PLCE1: variants seen among roughly 807,000 people sequenced by gnomAD.
PLCE1 encodes 1-phosphatidylinositol 4,5-bisphosphate phosphodiesterase epsilon-1.
Under a neutral mutation model 242.8 loss-of-function variants are expected in PLCE1, and 119 were observed. The observed-to-expected ratio is 0.49, with a 90% CI of 0.42 to 0.57. The LOEUF is 0.57. PLCE1 is among the 20% of genes least tolerant of loss of function. The pLI is 0.00. For missense variants in PLCE1, 2,441 were observed against 2,788.8 expected (o/e 0.88, Z 2.81); for synonymous variants, 945 against 1,017.4 (o/e 0.93, Z 1.35).
At chr10:94,118,512 G>A (rs1353863587) in intron 2 of PLCE1, among the ~76,000 whole-genome samples, 3 of 152,124 alleles carry the variant, frequency 2.0e-5, no homozygotes, top group Non-Finnish European at 4.4e-5. Flanking sequence ...GAATCATGGG[G>A]GCAGGTCTTT....
At chr10:94,091,489 A>G (rs2045071569) in intron 2 of PLCE1, among the ~76,000 whole-genome samples, 2 of 152,186 alleles carry the variant, frequency 1.3e-5, no homozygotes, top group South Asian at 4.1e-4. Context: ...GGGGAGAGAA[A>G]GATAACTATA....
chr10:94,118,063 C>G (rs1454464157), intron 2 of PLCE1, among the ~76,000 whole-genome samples: 1 of 152,048 alleles, frequency 6.6e-6, no homozygotes, highest in Non-Finnish European at 1.5e-5. Context: ...AATGTAAGTG[C>G]TAAAACCATA....
intron 3 of PLCE1, among the ~76,000 whole-genome samples, chr10:94,146,271 G>T (rs1466469520): frequency 3.9e-5 from 6 of 152,096 alleles, no homozygotes; most frequent in Non-Finnish European, 5.9e-5. Context: ...AGTTTTCATT[G>T]GCATGAGACA....
chr10:94,076,734 G>T (rs894530816), intron 2 of PLCE1, among the ~76,000 whole-genome samples: 3 of 152,144 alleles, frequency 2.0e-5, no homozygotes, highest in African/African-American at 7.2e-5. Flanking sequence ...CTCCTAGAAG[G>T]CCAGGGTGCT....
At chr10:94,064,306 T>A (rs574964118) in intron 2 of PLCE1, among the ~76,000 whole-genome samples, 70 of 152,208 alleles carry the variant, frequency 4.6e-4, no homozygotes, top group Non-Finnish European at 9.3e-4. Context: ...AATCTAGCAC[T>A]TTGGGAGGCT....
At chr10:94,215,879 T>C (rs1015640040) in intron 4 of PLCE1, among the ~76,000 whole-genome samples, 5 of 152,038 alleles carry the variant, frequency 3.3e-5, no homozygotes, top group African/African-American at 9.7e-5. Context: ...GCTATGATCA[T>C]GCCACTGCAC....
At chr10:94,324,233 A>C in intron 30 of PLCE1, 116 bp from the exon 31 acceptor site, 3 of 821,714 alleles carry the variant, frequency 3.7e-6, no homozygotes, top group Non-Finnish European at 6.4e-6. Flanking sequence ...AATGATCTGG[A>C]AGATCCCCTT....
chr10:94,082,015 G>A (rs926966208), intron 2 of PLCE1: 1 of 152,164 alleles, frequency 6.6e-6, no homozygotes, highest in African/African-American at 2.4e-5. Flanking sequence ...AACCTTATAA[G>A]TATGAAACAG....
chr10:94,314,045 G>C (rs778353754), intron 28 of PLCE1, among the ~76,000 whole-genome samples: 2 of 152,094 alleles, frequency 1.3e-5, no homozygotes, highest in Non-Finnish European at 2.9e-5. Context: ...TCCTTATGCT[G>C]TGCCACCTCC....
intron 4 of PLCE1, among the ~76,000 whole-genome samples, chr10:94,211,402 C>T (rs1469221454): frequency 6.6e-6 from 1 of 152,250 alleles, no homozygotes; most frequent in Non-Finnish European, 1.5e-5. Flanking sequence ...AGCATTACCA[C>T]TCACTAACTG....
chr10:94,304,413 A>G (rs2053135765), intron 24 of PLCE1, 69 bp from the exon 25 acceptor site: 1 of 1,412,248 alleles, frequency 7.1e-7, no homozygotes, highest in South Asian at 1.2e-5. Flanking sequence ...TGAACTTTCA[A>G]TTTATAAGGT....
intron 20 of PLCE1, 32 bp downstream of exon 20, chr10:94,279,943 G>A (rs749052244): frequency 6.2e-7 from 1 of 1,611,826 alleles, no homozygotes; most frequent in Non-Finnish European, 8.5e-7. Flanking sequence ...GCTGTGCACA[G>A]GAAAATTCTT....
intron 2 of PLCE1, among the ~76,000 whole-genome samples, chr10:94,068,230 T>G (rs560700557): frequency 6.6e-6 from 1 of 152,328 alleles, no homozygotes; most frequent in Admixed American, 6.5e-5. Context: ...ACCATCTCAA[T>G]GAAGCCCCTC....
At chr10:94,205,275 G>A (rs1290113681) in intron 4 of PLCE1, among the ~76,000 whole-genome samples, 1 of 152,098 alleles carries the variant, frequency 6.6e-6, no homozygotes, top group Non-Finnish European at 1.5e-5. Flanking sequence ...TATTATTATG[G>A]TAATAATAGT....
intron 1 of PLCE1, among the ~76,000 whole-genome samples, chr10:94,026,932 G>T (rs1331358730): frequency 1.3e-5 from 2 of 152,104 alleles, no homozygotes; most frequent in African/African-American, 4.8e-5. Context: ...CATTTGCCTT[G>T]AATTTTTGGA....
chr10:94,193,965 AT>A lies in PLCE1; in HGVS notation c.1809+22476del, dbSNP rs543526797. Among the ~76,000 whole-genome samples the A allele has an allele frequency of 4.3e-3, 662 of 152,304 alleles. 7 individuals are homozygous for A. The highest frequency in any genetic ancestry group is 0.014 in the African/African-American group (598 of 41,570). On this transcript the variant is annotated intron_variant, in intron 4 of 32. Coordinates refer to ENST00000371380, the MANE Select transcript of PLCE1 (RefSeq NM_016341.4). Reference sequence around the variant, plus strand: ...GAATGAAATTGTCTTTTTTTAAAGCATTTTTTTATTACATTTTACAGTGTGA... The same window carrying A: ...GAATGAAATTGTCTTTTTTTAAAGCATTTTTTATTACATTTTACAGTGTGA...
chr10:94,257,444 C>A (rs1381765562), intron 11 of PLCE1, among the ~76,000 whole-genome samples: 2 of 152,082 alleles, frequency 1.3e-5, no homozygotes, highest in Non-Finnish European at 2.9e-5. Context: ...GATTATAAAT[C>A]ATGCTGCTAT....
chr10:94,316,470 C>A, intron 28 of PLCE1, 77 bp from the exon 29 acceptor site: 1 of 896,562 alleles, frequency 1.1e-6, no homozygotes, highest in Non-Finnish European at 1.9e-6. Flanking sequence ...GCATAGCAAA[C>A]CTATCTGAAC....
At chr10:94,285,541 C>G (rs1414160834) in intron 22 of PLCE1, among the ~76,000 whole-genome samples, 1 of 152,186 alleles carries the variant, frequency 6.6e-6, no homozygotes, top group Non-Finnish European at 1.5e-5. Context: ...TCTCATTCCG[C>G]CTCCATCATG....
Sources: allele counts gnomAD v4.1 joint callset (sites outside exome capture counted in the v4.1 genomes callset), GRCh38; gene constraint gnomAD v4.1.1; transcripts MANE v1.5; gene names NCBI Gene and HGNC (gene_info 2026-07-23, HGNC 2026-07-21).